The following DDAH1 variants were observed in gnomAD, a reference collection of about 807,000 sequenced individuals.
The protein encoded by DDAH1 is N(G),N(G)-dimethylarginine dimethylaminohydrolase 1.
Under a neutral mutation model 28.8 loss-of-function variants are expected in DDAH1, and 19 were observed. The observed-to-expected ratio is 0.66, with a 90% CI of 0.46 to 0.97. DDAH1 has a LOEUF of 0.97. Ranked by LOEUF, DDAH1 falls within the 50% of genes least tolerant of loss-of-function variation. DDAH1 has a pLI of 0.00. For missense variants in DDAH1, 326 were observed against 375.9 expected (o/e 0.87, Z 1.10); for synonymous variants, 153 against 154.4 (o/e 0.99, Z 0.07).
intron 1 of DDAH1, among the ~76,000 whole-genome samples, chr1:85,552,128 T>C (rs916234861): frequency 1.7e-4 from 26 of 152,218 alleles, no homozygotes; most frequent in Non-Finnish European, 3.4e-4. Context: ...TAGTGATGAA[T>C]AGTACTGGTT....
At chr1:85,450,334 A>T (rs1654614187) in intron 1 of DDAH1, among the ~76,000 whole-genome samples, 1 of 152,136 alleles carries the variant, frequency 6.6e-6, no homozygotes, top group Non-Finnish European at 1.5e-5. Context: ...CCTGTATCAA[A>T]AGTTTTTTTG....
At chr1:85,544,034 A>G (rs1658546120) in intron 1 of DDAH1, among the ~76,000 whole-genome samples, 1 of 152,148 alleles carries the variant, frequency 6.6e-6, no homozygotes, top group South Asian at 2.1e-4. Flanking sequence ...AACTCCATTT[A>G]CAATTATTTG....
At chr1:85,407,829 A>G (rs1652476719) in intron 1 of DDAH1, among the ~76,000 whole-genome samples, 2 of 152,224 alleles carry the variant, frequency 1.3e-5, no homozygotes, top group Admixed American at 1.3e-4. Context: ...TAAAGATTAT[A>G]TATACCAGGA....
chr1:85,574,746 C>T (rs1659549842), intron 1 of DDAH1, among the ~76,000 whole-genome samples: 1 of 152,130 alleles, frequency 6.6e-6, no homozygotes, highest in South Asian at 2.1e-4. Flanking sequence ...ACATTGTCCT[C>T]AAATATATGG....
intron 1 of DDAH1, among the ~76,000 whole-genome samples, chr1:85,386,939 C>T: frequency 6.6e-6 from 1 of 152,170 alleles, no homozygotes; most frequent in Non-Finnish European, 1.5e-5. Context: ...TCCAGACAGA[C>T]AATTGGAGAA....
chr1:85,397,709 TTGAC>T (rs1484786993), intron 1 of DDAH1, among the ~76,000 whole-genome samples: 1 of 152,218 alleles, frequency 6.6e-6, no homozygotes, highest in African/African-American at 2.4e-5. Context: ...TGCCAAGGCT[TTGAC>T]TGAAATGTAA....
At chr1:85,487,862 T>C (rs1656257580) in intron 2 of DDAH1, among the ~76,000 whole-genome samples, 1 of 152,076 alleles carries the variant, frequency 6.6e-6, no homozygotes, top group Admixed American at 6.6e-5. Context: ...GCAGTACACA[T>C]TGGCACTCTT....
intron 1 of DDAH1, among the ~76,000 whole-genome samples, chr1:85,360,981 A>G (rs184549190): frequency 3.9e-5 from 6 of 152,380 alleles, no homozygotes; most frequent in Admixed American, 3.3e-4. Context: ...TGTTGATGAT[A>G]CTACATTACT....
intron 1 of DDAH1, among the ~76,000 whole-genome samples, chr1:85,385,625 C>T (rs761602): frequency 0.91 from 138,640 of 152,244 alleles, 63,162 homozygotes; most frequent in South Asian, 0.95. Flanking sequence ...AGGAGAGCAG[C>T]TGAGCTCATG....
chr1:85,353,922 A>G (rs570729376), intron 2 of DDAH1, among the ~76,000 whole-genome samples: 1 of 152,178 alleles, frequency 6.6e-6, no homozygotes, highest in Admixed American at 6.5e-5. Flanking sequence ...AGGTGTTCGG[A>G]GCGTGATGTG....
intron 2 of DDAH1, chr1:85,495,117 A>C (rs937414894): frequency 1.3e-5 from 2 of 151,854 alleles, no homozygotes; most frequent in Non-Finnish European, 2.9e-5. Context: ...GTGTTAAGGC[A>C]AATTTTCTGG....
At chr1:85,361,081 T>C (rs1332495987) in intron 1 of DDAH1, among the ~76,000 whole-genome samples, 1 of 152,154 alleles carries the variant, frequency 6.6e-6, no homozygotes, top group Admixed American at 6.5e-5. Context: ...TGGCATCAAA[T>C]CGGCAATGCT....
rs570867343 is a variant in DDAH1, at chr1:85,370,965, A to G, written c.304-12118T>C. 2.0e-5 allele frequency among the ~76,000 whole-genome samples: 3 copies of G among 152,332 alleles called. No homozygotes were observed. The South Asian group carries it at 6.2e-4, about 32-fold the overall frequency. ...ATACAAAAAGTTACTTAAATCTAAGAGATATCAGAAGAGCTAACTCAAACC... is the reference window on the plus strand; with the variant it reads ...ATACAAAAAGTTACTTAAATCTAAGGGATATCAGAAGAGCTAACTCAAACC... On this transcript the variant is annotated intron_variant, in intron 1 of 5. Transcript: ENST00000284031.
At chr1:85,381,457 A>G (rs928396961) in intron 1 of DDAH1, among the ~76,000 whole-genome samples, 1 of 151,830 alleles carries the variant, frequency 6.6e-6, no homozygotes, top group Non-Finnish European at 1.5e-5. Flanking sequence ...AGAAGTATAC[A>G]CGTTACCCAA....
chr1:85,419,815 T>C (rs1653058485), intron 1 of DDAH1, among the ~76,000 whole-genome samples: 1 of 152,192 alleles, frequency 6.6e-6, no homozygotes, highest in Non-Finnish European at 1.5e-5. Context: ...CTCTTGGCTA[T>C]AACAATTTTT....
At chr1:85,379,112 T>G (rs1650836528) in intron 1 of DDAH1, among the ~76,000 whole-genome samples, 1 of 152,250 alleles carries the variant, frequency 6.6e-6, no homozygotes, top group South Asian at 2.1e-4. Flanking sequence ...AATTTTGTTT[T>G]TAACCTCAAG....
intron 1 of DDAH1, among the ~76,000 whole-genome samples, chr1:85,416,827 C>T (rs1042647987): frequency 6.6e-6 from 1 of 152,058 alleles, no homozygotes; most frequent in East Asian, 1.9e-4. Context: ...ATCACTACAT[C>T]CAGCTAATTT....
intron 1 of DDAH1, among the ~76,000 whole-genome samples, chr1:85,562,547 T>C (rs952648678): frequency 3.3e-5 from 5 of 152,112 alleles, no homozygotes; most frequent in African/African-American, 9.7e-5. Flanking sequence ...TGAATTGGGA[T>C]GGACCTAATC....
At chr1:85,450,342 TTGGCCAAGTTCACC>T (rs139127996) in intron 1 of DDAH1, among the ~76,000 whole-genome samples, 570 of 152,212 alleles carry the variant, frequency 3.7e-3, no homozygotes, top group African/African-American at 0.013. Context: ...AAAAGTTTTT[TTGGCCAAGTTCACC>T]TTGCTAATAA....
Sources: allele counts gnomAD v4.1 joint callset (sites outside exome capture counted in the v4.1 genomes callset), GRCh38; gene constraint gnomAD v4.1.1; transcripts MANE v1.5; gene names NCBI Gene and HGNC (gene_info 2026-07-23, HGNC 2026-07-21).